PCDHA9: variants seen among roughly 807,000 people sequenced by gnomAD.
PCDHA9 encodes protocadherin alpha 9.
PCDHA9 carries 62 observed loss-of-function variants against 62.0 expected under a neutral mutation model. The observed-to-expected ratio is 1.00, with a 90% CI of 0.81 to 1.23. The LOEUF is 1.23. Among genes scored for constraint, PCDHA9 ranks in the 50% most tolerant of loss-of-function variants. The pLI is 0.00. For missense variants in PCDHA9, 1,205 were observed against 1,249.8 expected, an observed-to-expected ratio of 0.96 and a Z score of 0.54; for synonymous variants, 557 against 567.6, an observed-to-expected ratio of 0.98 and a Z score of 0.27.
chr5:140,855,858 G>C (rs1203638572), intron 1 of PCDHA9: 4 of 715,822 alleles, frequency 5.6e-6, no homozygotes, highest in Non-Finnish European at 9.0e-6. Context: ...ACCGGATGTC[G>C]CTGTCGTCCA....
At chr5:140,888,210 T>TTG (rs1325850915) in intron 1 of PCDHA9, among the ~76,000 whole-genome samples, 2 of 152,080 alleles carry the variant, frequency 1.3e-5, no homozygotes, top group Admixed American at 1.3e-4. Context: ...ATGCTGGATT[T>TTG]TGTGTGTGTG....
At chr5:140,883,333 G>T (rs1554177722) in intron 1 of PCDHA9, 1 of 1,614,066 alleles carries the variant, frequency 6.2e-7, no homozygotes, top group Non-Finnish European at 8.5e-7. Flanking sequence ...TCACTTCTTT[G>T]TCACTCCCCA....
At chr5:140,998,347 T>C (rs2097807005) in intron 3 of PCDHA9, among the ~76,000 whole-genome samples, 1 of 152,202 alleles carries the variant, frequency 6.6e-6, no homozygotes, top group Non-Finnish European at 1.5e-5. Context: ...TCTGAGTCTG[T>C]GCTCTTAACC....
intron 1 of PCDHA9, chr5:140,868,367 A>G (rs1172492575): frequency 6.6e-6 from 1 of 152,208 alleles, no homozygotes; most frequent in East Asian, 1.9e-4. Flanking sequence ...AAATGTAAAT[A>G]ACAGTAAAGA....
intron 1 of PCDHA9, among the ~76,000 whole-genome samples, chr5:140,954,401 A>G (rs567522525): frequency 2.0e-4 from 31 of 152,300 alleles, no homozygotes; most frequent in Middle Eastern, 3.4e-3. Flanking sequence ...AACCCCACCA[A>G]CAGGGTAAAG....
At chr5:141,005,796 AAC>A (rs2098240426) in intron 3 of PCDHA9, among the ~76,000 whole-genome samples, 1 of 151,400 alleles carries the variant, frequency 6.6e-6, no homozygotes, top group Admixed American at 6.6e-5. Flanking sequence ...AGGCAAAAAC[AAC>A]TCCAAGGAGC....
At chr5:140,973,325 A>G (rs180770098) in intron 1 of PCDHA9, among the ~76,000 whole-genome samples, 71 of 152,216 alleles carry the variant, frequency 4.7e-4, no homozygotes, top group African/African-American at 1.7e-3. Context: ...CAGAGTTTAC[A>G]CTCGTTGTAA....
chr5:140,869,817 T>G, intron 1 of PCDHA9: 1 of 1,612,264 alleles, frequency 6.2e-7, no homozygotes, highest in Non-Finnish European at 8.5e-7. Flanking sequence ...TCAACGACAA[T>G]GATCCAGAGT....
At chr5:140,866,021 G>A (rs2049106478) in intron 1 of PCDHA9, 1 of 152,210 alleles carries the variant, frequency 6.6e-6, no homozygotes, top group Middle Eastern at 3.4e-3. Flanking sequence ...TTTCTTGTAA[G>A]AGTTCGTGAT....
chr5:140,876,330 A>G, intron 1 of PCDHA9: 2 of 1,614,042 alleles, frequency 1.2e-6, no homozygotes, highest in Admixed American at 1.7e-5. Flanking sequence ...TGATTTTGCC[A>G]GTGAGTGAGA....
intron 1 of PCDHA9, among the ~76,000 whole-genome samples, chr5:140,874,551 T>C (rs1418780563): frequency 6.6e-6 from 1 of 152,222 alleles, no homozygotes; most frequent in African/African-American, 2.4e-5. Flanking sequence ...CTTTAAGAGA[T>C]CTTTCGCATT....
chr5:140,876,478 G>A (rs782344970), intron 1 of PCDHA9: 1 of 1,614,032 alleles, frequency 6.2e-7, no homozygotes. Flanking sequence ...TCACAGCATG[G>A]TCCTGGTGGA....
intron 1 of PCDHA9, chr5:140,866,520 T>C (rs1294227332): frequency 6.6e-6 from 1 of 152,150 alleles, no homozygotes; most frequent in Non-Finnish European, 1.5e-5. Context: ...GACTAAGCCA[T>C]GATAGAGCAG....
At chr5:140,920,199 C>G (rs2079510871) in intron 1 of PCDHA9, among the ~76,000 whole-genome samples, 1 of 152,116 alleles carries the variant, frequency 6.6e-6, no homozygotes, top group African/African-American at 2.4e-5. Flanking sequence ...GTCACAGCAG[C>G]CACAGAAAAC....
chr5:140,936,987 T>A (rs996790487), intron 1 of PCDHA9, among the ~76,000 whole-genome samples: 1 of 152,170 alleles, frequency 6.6e-6, no homozygotes, highest in Non-Finnish European at 1.5e-5. Flanking sequence ...CTTGTTAACA[T>A]TGACAATATT....
At chr5:140,910,850 A>G (rs1285161954) in intron 1 of PCDHA9, among the ~76,000 whole-genome samples, 1 of 152,168 alleles carries the variant, frequency 6.6e-6, no homozygotes, top group Non-Finnish European at 1.5e-5. Flanking sequence ...CCTTGGATCT[A>G]TGTTCCATCC....
Position 140,849,319 on chromosome 5 carries a change from G to A in PCDHA9, c.824G>A (p.Gly275Glu). The A allele has an allele frequency of 7.5e-7, 1 of 1,331,850 alleles. No homozygotes were observed. The highest frequency in any genetic ancestry group is 1.0e-6 in the Non-Finnish European group (1 of 973,012). The allele number at this position is 1,331,850 out of a possible 1,614,324, so 82.5% of individuals were successfully genotyped here. Residue 275 changes from glycine (G) to glutamate (E), a missense_variant, in exon 1 of 4, where the codon GGG (glycine) becomes GAG (glutamate). Physicochemically the swap from Gly to Glu is moderately conservative, Grantham distance 98. Around this residue, in one of 3 missense-constraint regions of PCDHA9, gnomAD observed 110 missense variants for 227.2 expected, o/e 0.48. Coordinates refer to ENST00000532602, the MANE Select transcript of PCDHA9 (RefSeq NM_031857.2). ...TCAGATTTAGACGAAGGCTTGAATG[G>A]GGATATTATTTACTCCTTCTCCAGT... ...NASDLDEGLN[G>E]DIIYSFSSDV... is the part of the protein sequence containing the mutation.
At chr5:140,871,126 C>T in intron 1 of PCDHA9, 1 of 1,613,370 alleles carries the variant, frequency 6.2e-7, no homozygotes. Context: ...CGGACAGGCG[C>T]CAAAGGCCTC....
At chr5:140,884,688 C>T in intron 1 of PCDHA9, 1 of 1,535,868 alleles carries the variant, frequency 6.5e-7, no homozygotes, top group Non-Finnish European at 8.8e-7. Context: ...AAAAAATTGT[C>T]TTAGTAAACA....
Sources: gnomAD v4.1 joint callset for allele counts (sites outside exome capture counted in the v4.1 genomes callset) on GRCh38, gnomAD v4.1.1 for gene constraint, gnomAD v4.1.1 regional missense constraint, MANE v1.5 for transcripts, NCBI Gene and HGNC (gene_info 2026-07-23, HGNC 2026-07-21) for gene names.